Variants in TMTC2 observed in about 807,000 individuals in gnomAD.
TMTC2 encodes protein O-mannosyl-transferase TMTC2.
In TMTC2, 43 loss-of-function variants were observed where a neutral mutation model predicts 82.4. That is an observed-to-expected ratio of 0.52 (90% confidence interval 0.41 to 0.67). TMTC2 has a LOEUF of 0.67. Among genes scored for constraint, TMTC2 ranks in the 30% least tolerant of loss-of-function variants. The pLI is 0.00. For missense variants in TMTC2, 919 were observed against 1,012.4 expected, an observed-to-expected ratio of 0.91 and a Z score of 1.25; for synonymous variants, 408 against 381.9, an observed-to-expected ratio of 1.07 and a Z score of -0.80.
chr12:83,082,829 C>G (rs1883519236), intron 11 of TMTC2, among the ~76,000 whole-genome samples: 1 of 152,166 alleles, frequency 6.6e-6, no homozygotes. Context: ...CTTGGTGTTG[C>G]TATAAATAGC....
chr12:82,698,498 G>A (rs1405247675), intron 1 of TMTC2, among the ~76,000 whole-genome samples: 1 of 152,122 alleles, frequency 6.6e-6, no homozygotes, highest in East Asian at 1.9e-4. Flanking sequence ...TTGGACCAGG[G>A]GGCTGAATGA....
chr12:82,996,914 G>T (rs1879645015), intron 8 of TMTC2, among the ~76,000 whole-genome samples: 1 of 152,100 alleles, frequency 6.6e-6, no homozygotes, highest in African/African-American at 2.4e-5. Context: ...AAAATTACTT[G>T]ATCCGAAGCC....
chr12:83,076,064 G>A (rs1482829459), intron 11 of TMTC2, among the ~76,000 whole-genome samples: 2 of 152,214 alleles, frequency 1.3e-5, no homozygotes, highest in Non-Finnish European at 1.5e-5. Context: ...CTAACTGTTG[G>A]CGTGGGCAAG....
At chr12:82,782,417 T>C (rs551307089) in intron 1 of TMTC2, among the ~76,000 whole-genome samples, 5 of 152,172 alleles carry the variant, frequency 3.3e-5, no homozygotes, top group Non-Finnish European at 7.3e-5. Context: ...CTTTATTCAG[T>C]AGACATTTTA....
At chr12:82,952,107 T>G (rs546746257) in intron 4 of TMTC2, among the ~76,000 whole-genome samples, 1 of 152,260 alleles carries the variant, frequency 6.6e-6, no homozygotes, top group Non-Finnish European at 1.5e-5. Context: ...TCACTGAACT[T>G]TTTTTTCTGA....
intron 11 of TMTC2, among the ~76,000 whole-genome samples, chr12:83,076,443 T>C (rs1340745453): frequency 6.6e-6 from 1 of 152,222 alleles, no homozygotes; most frequent in African/African-American, 2.4e-5. Flanking sequence ...GTTATAGCTA[T>C]AATTGTTCAA....
chr12:82,730,296 C>CAAAAAAAAAAAAAAAAAAAAAAAAA (rs368959079), intron 1 of TMTC2, among the ~76,000 whole-genome samples: 1 of 79,004 alleles, frequency 1.3e-5, no homozygotes, highest in Non-Finnish European at 2.3e-5. Context: ...CTCTGTCTCT[C>CAAAAAAAAAAAAAAAAAAAAAAAAA]AAAAAAAAAA....
chr12:82,972,374 T>A (rs1878489462), intron 7 of TMTC2, among the ~76,000 whole-genome samples: 1 of 152,180 alleles, frequency 6.6e-6, no homozygotes, highest in Admixed American at 6.5e-5. Flanking sequence ...AATAAACCTT[T>A]TACTTACACA....
At chr12:82,989,462 C>T (rs1269767202) in intron 8 of TMTC2, among the ~76,000 whole-genome samples, 1 of 151,590 alleles carries the variant, frequency 6.6e-6, no homozygotes, top group Non-Finnish European at 1.5e-5. Context: ...CACACAACTC[C>T]ACATAAGTAT....
intron 1 of TMTC2, among the ~76,000 whole-genome samples, chr12:82,825,875 C>T (rs2137069801): frequency 6.6e-6 from 1 of 152,218 alleles, no homozygotes; most frequent in South Asian, 2.1e-4. Context: ...CACACACACA[C>T]ACACTCTCAC....
intron 11 of TMTC2, among the ~76,000 whole-genome samples, chr12:83,072,379 T>C (rs978121989): frequency 6.6e-6 from 1 of 152,188 alleles, no homozygotes; most frequent in Non-Finnish European, 1.5e-5. Context: ...CTTGATATAA[T>C]TTCAATTTTC....
chr12:83,041,530 T>C (rs1881896526), intron 9 of TMTC2, among the ~76,000 whole-genome samples: 1 of 152,080 alleles, frequency 6.6e-6, no homozygotes, highest in Admixed American at 6.5e-5. Context: ...GGAGAATGAT[T>C]AAAAATATGA....
At chr12:82,807,379 G>T (rs1879294274) in intron 1 of TMTC2, among the ~76,000 whole-genome samples, 2 of 152,044 alleles carry the variant, frequency 1.3e-5, no homozygotes, top group African/African-American at 4.8e-5. Flanking sequence ...CAAAAAGAAG[G>T]GTAACTAGTT....
intron 4 of TMTC2, among the ~76,000 whole-genome samples, chr12:82,939,228 C>G (rs1338206536): frequency 6.6e-6 from 1 of 151,920 alleles, no homozygotes; most frequent in Non-Finnish European, 1.5e-5. Flanking sequence ...ATTGTGTAGG[C>G]TTTTTTCTTT....
At chr12:82,868,559 T>C (rs1422677800) in intron 2 of TMTC2, among the ~76,000 whole-genome samples, 3 of 152,120 alleles carry the variant, frequency 2.0e-5, no homozygotes, top group Non-Finnish European at 4.4e-5. Flanking sequence ...GTTAGTTATA[T>C]ATCTGAAAAT....
At chr12:83,122,015 G>A (rs914549462) in intron 11 of TMTC2, among the ~76,000 whole-genome samples, 1 of 152,008 alleles carries the variant, frequency 6.6e-6, no homozygotes, top group Non-Finnish European at 1.5e-5. Flanking sequence ...CCCACCAACA[G>A]CACCGAGTCT....
chr12:82,795,613 A>G (rs1184577223), intron 1 of TMTC2, among the ~76,000 whole-genome samples: 1 of 152,046 alleles, frequency 6.6e-6, no homozygotes, highest in East Asian at 1.9e-4. Flanking sequence ...AGGCCATGAA[A>G]GTTCTTCCCT....
chr12:82,957,528 C>G (rs1272372088), intron 4 of TMTC2, among the ~76,000 whole-genome samples: 1 of 151,828 alleles, frequency 6.6e-6, no homozygotes, highest in African/African-American at 2.4e-5. Context: ...TAACAAAAGT[C>G]AAAACAGAAC....
intron 1 of TMTC2, among the ~76,000 whole-genome samples, chr12:82,749,471 A>G (rs1304021607): frequency 1.3e-5 from 2 of 152,100 alleles, no homozygotes; most frequent in Non-Finnish European, 2.9e-5. Context: ...ACACAGCTCC[A>G]CTTTGTAGAT....
Sources: allele counts gnomAD v4.1 joint callset (sites outside exome capture counted in the v4.1 genomes callset), GRCh38; gene constraint gnomAD v4.1.1; transcripts MANE v1.5; gene names NCBI Gene and HGNC (gene_info 2026-07-23, HGNC 2026-07-21).